RIMS2: variants seen among roughly 807,000 people sequenced by gnomAD.
RIMS2 encodes the protein regulating synaptic membrane exocytosis 2.
In RIMS2, 59 loss-of-function variants were observed where a neutral mutation model predicts 174.4. The observed-to-expected ratio is 0.34, with a 90% confidence interval of 0.27 to 0.42. The LOEUF is 0.42. RIMS2 is among the 10% of genes least tolerant of loss of function. The pLI, the probability that RIMS2 is intolerant of heterozygous loss-of-function variation, is 1.00. For synonymous variants in RIMS2, 606 were observed against 572.5 expected, an observed-to-expected ratio of 1.06 and a Z score of -0.84; for missense variants, 1,620 against 1,666.3, an observed-to-expected ratio of 0.97 and a Z score of 0.48.
intron 1 of RIMS2, among the ~76,000 whole-genome samples, chr8:103,668,443 A>T (rs1435780392): frequency 3.3e-5 from 5 of 152,194 alleles, no homozygotes; most frequent in African/African-American, 1.2e-4. Flanking sequence ...TATGCATTGA[A>T]AACAACAATG....
At position 103,785,095 on chromosome 8, in the gene RIMS2, C is replaced by A. The variant is rs1390756990; in HGVS notation, c.698+18558C>A. On this transcript the variant is annotated intron_variant, in intron 3 of 23. Transcript: ENST00000504942. The stretch of plus-strand genomic sequence containing the variant: ...TGTCTGTTATTGGTGCGTAAGAATG[C>A]TTGTGATTTTTGTACATTGATTTTG... Among the ~76,000 whole-genome samples, 67 of 142,136 alleles carry A rather than the reference C, an allele frequency of 4.7e-4. 7 individuals are homozygous for A. Among genetic ancestry groups the A allele is most frequent in the Non-Finnish European group, 8.4e-4 (55 of 65,256 alleles). 93.2% of individuals were successfully genotyped at this position (142,136 alleles called of 152,430 possible). A position where few individuals can be genotyped will look rare whatever the true frequency, so the allele number is the denominator to read the frequency against.
chr8:103,901,822 G>A (rs1395828557), intron 4 of RIMS2, among the ~76,000 whole-genome samples: 1 of 151,926 alleles, frequency 6.6e-6, no homozygotes, highest in Non-Finnish European at 1.5e-5. Context: ...TTTTGTATTG[G>A]AGCTTAAGAC....
intron 2 of RIMS2, among the ~76,000 whole-genome samples, chr8:103,728,812 A>G (rs899475861): frequency 6.5e-5 from 4 of 62,008 alleles, no homozygotes; most frequent in African/African-American, 1.4e-4. Context: ...CATTTGCTTT[A>G]TTATTATCAA....
intron 1 of RIMS2, among the ~76,000 whole-genome samples, chr8:103,542,466 T>G (rs1340541660): frequency 6.6e-6 from 1 of 152,044 alleles, no homozygotes; most frequent in Non-Finnish European, 1.5e-5. Flanking sequence ...TGAAGAGGAG[T>G]GAATACTTCC....
intron 1 of RIMS2, among the ~76,000 whole-genome samples, chr8:103,548,111 A>T (rs1412534949): frequency 3.9e-5 from 6 of 152,188 alleles, no homozygotes; most frequent in Admixed American, 6.6e-5. Context: ...ATTTCTGCTG[A>T]AACTATTCCA....
intron 19 of RIMS2, among the ~76,000 whole-genome samples, chr8:104,146,098 C>G (rs1386775129): frequency 6.7e-6 from 1 of 149,960 alleles, no homozygotes; most frequent in Non-Finnish European, 1.5e-5. Context: ...GGCTCGGTGG[C>G]TCAAGCCTGT....
At chr8:103,791,283 AAGAATTTTCAATCC>A (rs1366536849) in intron 3 of RIMS2, among the ~76,000 whole-genome samples, 2 of 152,220 alleles carry the variant, frequency 1.3e-5, no homozygotes, top group African/African-American at 4.8e-5. Context: ...TCTTAAAGAA[AAGAATTTTCAATCC>A]AGAATTTCAT....
At chr8:104,098,205 A>AAT (rs531109131) in intron 19 of RIMS2, among the ~76,000 whole-genome samples, 119 of 152,292 alleles carry the variant, frequency 7.8e-4, no homozygotes, top group African/African-American at 2.6e-3. Flanking sequence ...ATTAATGAGT[A>AAT]ATATATTTAT....
chr8:104,223,134 T>C (rs967584409), intron 19 of RIMS2, among the ~76,000 whole-genome samples: 3 of 152,166 alleles, frequency 2.0e-5, no homozygotes, highest in Non-Finnish European at 4.4e-5. Flanking sequence ...ATCTAATTAG[T>C]CACCACTCCC....
At chr8:103,522,312 A>T (rs1832106796) in intron 1 of RIMS2, among the ~76,000 whole-genome samples, 1 of 152,110 alleles carries the variant, frequency 6.6e-6, no homozygotes, top group South Asian at 2.1e-4. Flanking sequence ...GATTTCAGCA[A>T]TTTTTTTTCT....
intron 19 of RIMS2, among the ~76,000 whole-genome samples, chr8:104,086,130 T>G (rs913888106): frequency 6.6e-6 from 1 of 151,894 alleles, no homozygotes; most frequent in African/African-American, 2.4e-5. Context: ...CTCAGGGACA[T>G]AGAGTAGAAA....
chr8:103,695,345 T>G (rs1190120172), intron 1 of RIMS2, among the ~76,000 whole-genome samples: 1 of 152,216 alleles, frequency 6.6e-6, no homozygotes, highest in African/African-American at 2.4e-5. Flanking sequence ...TCAGTCTCCA[T>G]TGATTTTTTT....
chr8:103,684,155 A>G (rs905399216), intron 1 of RIMS2, among the ~76,000 whole-genome samples: 3 of 152,210 alleles, frequency 2.0e-5, no homozygotes, highest in Non-Finnish European at 4.4e-5. Flanking sequence ...CATAAAATCT[A>G]TCAGCATAAT....
intron 19 of RIMS2, among the ~76,000 whole-genome samples, chr8:104,059,773 G>A (rs202026166): frequency 0.013 from 2,043 of 151,984 alleles, 29 homozygotes; most frequent in Middle Eastern, 0.11. Flanking sequence ...AGAGTTTTTA[G>A]CATGAAGGGT....
At chr8:103,827,838 C>CA (rs1321515518) in intron 3 of RIMS2, among the ~76,000 whole-genome samples, 3 of 146,676 alleles carry the variant, frequency 2.0e-5, no homozygotes, top group South Asian at 4.3e-4. Flanking sequence ...GACTTTATCT[C>CA]AAAAAATAAA....
chr8:104,239,649 A>C (rs1380368413), intron 19 of RIMS2, among the ~76,000 whole-genome samples: 2 of 152,214 alleles, frequency 1.3e-5, no homozygotes, highest in Non-Finnish European at 2.9e-5. Flanking sequence ...CCCCTAAGTC[A>C]TAATAGGATA....
chr8:103,709,425 G>A (rs1464499015), intron 2 of RIMS2, among the ~76,000 whole-genome samples: 1 of 145,730 alleles, frequency 6.9e-6, no homozygotes. Context: ...GTTGGATGTT[G>A]GCTATTTTTG....
At chr8:103,838,871 C>G (rs1009626961) in intron 3 of RIMS2, among the ~76,000 whole-genome samples, 7 of 152,172 alleles carry the variant, frequency 4.6e-5, no homozygotes, top group African/African-American at 1.7e-4. Context: ...TGAGACCATC[C>G]TGGCTAACAC....
intron 4 of RIMS2, among the ~76,000 whole-genome samples, chr8:103,908,770 T>C (rs1414874881): frequency 6.6e-6 from 1 of 152,216 alleles, no homozygotes; most frequent in Non-Finnish European, 1.5e-5. Context: ...AAATGTCTTT[T>C]AACTTTTGGT....
Sources: gnomAD v4.1 joint callset for allele counts (sites outside exome capture counted in the v4.1 genomes callset) on GRCh38, gnomAD v4.1.1 for gene constraint, MANE v1.5 for transcripts, NCBI Gene and HGNC (gene_info 2026-07-23, HGNC 2026-07-21) for gene names.